PPP2R2B: variants seen among roughly 807,000 people sequenced by gnomAD.
PPP2R2B encodes the protein serine/threonine-protein phosphatase 2A 55 kDa regulatory subunit B beta isoform.
Under a neutral mutation model 46.0 loss-of-function variants are expected in PPP2R2B, and 5 were observed. The observed-to-expected ratio is 0.11, with a 90% CI of 0.06 to 0.23. The LOEUF is 0.23. Among genes scored for constraint, PPP2R2B ranks in the 10% least tolerant of loss-of-function variants. The pLI is 1.00. For synonymous variants in PPP2R2B, 215 were observed against 206.7 expected (o/e 1.04, Z -0.34); for missense variants, 367 against 575.0 (o/e 0.64, Z 3.70).
intron 5 of PPP2R2B, among the ~76,000 whole-genome samples, chr5:146,687,463 G>A (rs1236639342): frequency 6.6e-6 from 1 of 152,080 alleles, no homozygotes; most frequent in African/African-American, 2.4e-5. Context: ...GCAGCGTGGT[G>A]CATGGTATAT....
chr5:147,081,294 C>T lies in PPP2R2B; in HGVS notation c.-66G>A, dbSNP rs192356897. 4.7e-3 allele frequency: 7,232 copies of T among 1,535,592 alleles called. 21 individuals are homozygous for T. Among genetic ancestry groups the T allele is most frequent in the Non-Finnish European group, 5.6e-3 (6,383 of 1,146,814 alleles). ...CGTCAGAGAAGAGACCCTAGTGAGT[C>T]CTGAGAGGACGGTCAGTCTGCAAGT... On this transcript the variant is annotated 5_prime_UTR_variant, in exon 1 of 11. Transcript: ENST00000394413.
chr5:147,081,229 A>G (rs962339616), intron 1 of PPP2R2B: 1 of 1,535,540 alleles, frequency 6.5e-7, no homozygotes, highest in African/African-American at 1.4e-5. Flanking sequence ...AGCAGAATCT[A>G]TGCATTTCTA....
intron 1 of PPP2R2B, among the ~76,000 whole-genome samples, chr5:147,048,155 C>T (rs1369603714): frequency 6.6e-6 from 1 of 152,152 alleles, no homozygotes; most frequent in Admixed American, 6.6e-5. Context: ...GCATTTTTCC[C>T]TCCTGCTAGA....
chr5:146,706,256 ATCT>A (rs1779842771), intron 2 of PPP2R2B: 4 of 479,364 alleles, frequency 8.3e-6, no homozygotes, highest in Non-Finnish European at 7.8e-6. Context: ...TCGGGTCTTG[ATCT>A]TCTTCACAAC....
intron 3 of PPP2R2B, 131 bp from the exon 4 acceptor site, chr5:146,698,275 C>A (rs1779300414): frequency 7.7e-6 from 2 of 260,884 alleles, no homozygotes; most frequent in Non-Finnish European, 1.3e-5. Context: ...GAGGGCAGGG[C>A]CATGATAGTC....
At chr5:146,625,403 A>G (rs960835916) in intron 7 of PPP2R2B, among the ~76,000 whole-genome samples, 1 of 152,218 alleles carries the variant, frequency 6.6e-6, no homozygotes, top group African/African-American at 2.4e-5. Flanking sequence ...ACATATGTGT[A>G]AAGAGAAGTA....
At chr5:146,745,037 G>A (rs923046992) in intron 2 of PPP2R2B, among the ~76,000 whole-genome samples, 14 of 152,048 alleles carry the variant, frequency 9.2e-5, no homozygotes, top group African/African-American at 3.1e-4. Flanking sequence ...ATAGATAATT[G>A]ACCAAAACCC....
At chr5:146,772,579 A>G (rs1754937526) in intron 2 of PPP2R2B, among the ~76,000 whole-genome samples, 1 of 151,906 alleles carries the variant, frequency 6.6e-6, no homozygotes, top group South Asian at 2.1e-4. Context: ...ATAGGAATGC[A>G]TTTGTGAATT....
chr5:146,956,516 T>G (rs958694158), intron 1 of PPP2R2B, among the ~76,000 whole-genome samples: 1 of 152,234 alleles, frequency 6.6e-6, no homozygotes, highest in African/African-American at 2.4e-5. Context: ...CCCAGGATAT[T>G]GTCATCATGC....
chr5:146,629,947 G>T (rs1224502070), intron 7 of PPP2R2B, among the ~76,000 whole-genome samples: 1 of 152,104 alleles, frequency 6.6e-6, no homozygotes, highest in African/African-American at 2.4e-5. Flanking sequence ...CTGAGTAGCT[G>T]GGATTATAGG....
At chr5:146,629,739 C>T (rs923429061) in intron 7 of PPP2R2B, among the ~76,000 whole-genome samples, 2 of 151,334 alleles carry the variant, frequency 1.3e-5, no homozygotes, top group African/African-American at 2.4e-5. Flanking sequence ...CTCTTCCTCC[C>T]TTCCTCCCTC....
intron 5 of PPP2R2B, among the ~76,000 whole-genome samples, chr5:146,667,245 G>A (rs1424072420): frequency 6.6e-6 from 1 of 151,682 alleles, no homozygotes; most frequent in East Asian, 1.9e-4. Flanking sequence ...AAAATAAATT[G>A]TTATATGAAG....
intron 2 of PPP2R2B, among the ~76,000 whole-genome samples, chr5:146,708,395 ATGTGTGTGTGTATGTGTGTG>A (rs1470648032): frequency 3.1e-5 from 4 of 128,196 alleles, no homozygotes; most frequent in African/African-American, 9.2e-5. Flanking sequence ...ATATCTATGT[ATGTGTGTGTGTATGTGTGTG>A]TGTGTGTGTG....
At chr5:146,673,595 A>T (rs1049253618) in intron 5 of PPP2R2B, among the ~76,000 whole-genome samples, 2 of 151,124 alleles carry the variant, frequency 1.3e-5, no homozygotes, top group Non-Finnish European at 2.9e-5. Flanking sequence ...ATTTTTGGTG[A>T]CTAATGATTG....
intron 2 of PPP2R2B, among the ~76,000 whole-genome samples, chr5:146,727,818 T>C (rs998109339): frequency 1.3e-5 from 2 of 152,174 alleles, no homozygotes; most frequent in Non-Finnish European, 2.9e-5. Flanking sequence ...AAATGTTATA[T>C]GCTTTGAATG....
intron 5 of PPP2R2B, among the ~76,000 whole-genome samples, chr5:146,682,487 T>A (rs1234808984): frequency 6.6e-6 from 1 of 152,196 alleles, no homozygotes; most frequent in Non-Finnish European, 1.5e-5. Flanking sequence ...TGGAGTCAGC[T>A]TGAACCTGGT....
At chr5:147,015,349 C>A (rs577237331) in intron 1 of PPP2R2B, among the ~76,000 whole-genome samples, 5 of 151,620 alleles carry the variant, frequency 3.3e-5, no homozygotes, top group Non-Finnish European at 5.9e-5. Context: ...CCTACATGAA[C>A]CTTCTACTGA....
intron 7 of PPP2R2B, among the ~76,000 whole-genome samples, chr5:146,608,630 A>T (rs928670488): frequency 7.9e-5 from 12 of 152,162 alleles, no homozygotes; most frequent in African/African-American, 2.9e-4. Flanking sequence ...CCCCATCTCT[A>T]CTAAAAATAC....
At chr5:147,024,393 C>T (rs1755433713) in intron 1 of PPP2R2B, among the ~76,000 whole-genome samples, 1 of 152,154 alleles carries the variant, frequency 6.6e-6, no homozygotes. Flanking sequence ...CAACATTCCT[C>T]TCTCAGTAAT....
Sources: gnomAD v4.1 joint callset for allele counts (sites outside exome capture counted in the v4.1 genomes callset) on GRCh38, gnomAD v4.1.1 for gene constraint, MANE v1.5 for transcripts, NCBI Gene and HGNC (gene_info 2026-07-23, HGNC 2026-07-21) for gene names.